The following DLGAP1 variants were observed in gnomAD, a reference collection of about 807,000 sequenced individuals.
DLGAP1 encodes the protein DLG associated protein 1.
DLGAP1 carries 11 observed loss-of-function variants against 90.8 expected under a neutral mutation model. The ratio of observed to expected loss-of-function variants is 0.12; its 90% CI spans 0.08 to 0.20. The LOEUF (loss-of-function observed/expected upper bound fraction) is 0.20. Ranked by LOEUF, DLGAP1 falls within the 10% of genes least tolerant of loss-of-function variation. DLGAP1 has a pLI of 1.00. For synonymous variants in DLGAP1, 558 were observed against 540.7 expected, an observed-to-expected ratio of 1.03 and a Z score of -0.44; for missense variants, 1,050 against 1,333.8, an observed-to-expected ratio of 0.79 and a Z score of 3.31.
intron 1 of DLGAP1, among the ~76,000 whole-genome samples, chr18:4,185,919 C>T (rs1470882255): frequency 6.6e-6 from 1 of 152,088 alleles, no homozygotes; most frequent in Non-Finnish European, 1.5e-5. Flanking sequence ...ATTAGCATTC[C>T]CTTTTCTCTG....
At chr18:4,268,334 A>G (rs11663371) in intron 1 of DLGAP1, among the ~76,000 whole-genome samples, 3,832 of 152,314 alleles carry the variant, frequency 0.025, 100 homozygotes, top group African/African-American at 0.062. Context: ...TTTTTTAATA[A>G]TTTTATTCTA....
intron 3 of DLGAP1, among the ~76,000 whole-genome samples, chr18:3,923,740 A>T (rs544533127): frequency 6.6e-6 from 1 of 152,346 alleles, no homozygotes; most frequent in Non-Finnish European, 1.5e-5. Context: ...AAGTATAACC[A>T]AAGTCCCTTA....
chr18:3,818,665 G>A (rs536466212), intron 4 of DLGAP1, among the ~76,000 whole-genome samples: 15 of 151,274 alleles, frequency 9.9e-5, no homozygotes, highest in East Asian at 3.9e-4. Context: ...GCAGTGGCAC[G>A]ATCTTAGCTC....
At chr18:4,388,819 C>A (rs576190459) in intron 1 of DLGAP1, among the ~76,000 whole-genome samples, 8 of 152,198 alleles carry the variant, frequency 5.3e-5, no homozygotes, top group Middle Eastern at 3.4e-3. Context: ...CACCTCACAC[C>A]CATCAGGTTG....
intron 2 of DLGAP1, among the ~76,000 whole-genome samples, chr18:4,118,358 G>A (rs552528842): frequency 2.1e-4 from 32 of 152,146 alleles, no homozygotes; most frequent in Middle Eastern, 3.4e-3. Flanking sequence ...ATCCTGCTCC[G>A]CCAGCAGGTA....
chr18:4,299,123 C>G (rs2143220590), intron 1 of DLGAP1, among the ~76,000 whole-genome samples: 1 of 148,460 alleles, frequency 6.7e-6, no homozygotes, highest in South Asian at 2.1e-4. Flanking sequence ...GAAGCAAATT[C>G]TTGGGCCCCA....
At chr18:3,602,603 A>C (rs1383198947) in intron 7 of DLGAP1, among the ~76,000 whole-genome samples, 1 of 149,806 alleles carries the variant, frequency 6.7e-6, no homozygotes, top group Non-Finnish European at 1.5e-5. Flanking sequence ...CAAAAAAAAA[A>C]AAAAAAAAAA....
intron 1 of DLGAP1, among the ~76,000 whole-genome samples, chr18:4,200,835 T>C (rs1443643738): frequency 2.0e-5 from 3 of 152,116 alleles, no homozygotes; most frequent in Non-Finnish European, 4.4e-5. Flanking sequence ...ACAATCCTTA[T>C]AGTGATGTTA....
intron 7 of DLGAP1, among the ~76,000 whole-genome samples, chr18:3,709,193 T>C (rs1412524349): frequency 1.3e-5 from 2 of 152,266 alleles, no homozygotes; most frequent in East Asian, 3.9e-4. Flanking sequence ...ACCCAAGTCC[T>C]GGGCCTAAAT....
intron 4 of DLGAP1, among the ~76,000 whole-genome samples, chr18:3,871,105 A>G (rs1266879314): frequency 6.6e-6 from 1 of 152,244 alleles, no homozygotes; most frequent in Non-Finnish European, 1.5e-5. Context: ...TATGTACAAC[A>G]TAATGGGAAG....
At chr18:3,902,281 T>A (rs1360795639) in intron 3 of DLGAP1, among the ~76,000 whole-genome samples, 1 of 152,222 alleles carries the variant, frequency 6.6e-6, no homozygotes. Flanking sequence ...AGGTTAATTT[T>A]ATCCCAAATG....
chr18:3,702,687 CTT>C (rs1056806391), intron 7 of DLGAP1, among the ~76,000 whole-genome samples: 1 of 152,176 alleles, frequency 6.6e-6, no homozygotes, highest in Non-Finnish European at 1.5e-5. Flanking sequence ...AGCTGGAAGA[CTT>C]TAAGTAAATC....
chr18:4,344,888 C>T (rs1044120804), intron 1 of DLGAP1, among the ~76,000 whole-genome samples: 11 of 152,156 alleles, frequency 7.2e-5, no homozygotes, highest in African/African-American at 2.7e-4. Context: ...TTTTCCTACA[C>T]AGGACATAAA....
intron 1 of DLGAP1, among the ~76,000 whole-genome samples, chr18:4,245,765 C>G (rs898980610): frequency 1.3e-5 from 2 of 149,600 alleles, no homozygotes; most frequent in Non-Finnish European, 3.0e-5. Flanking sequence ...TCTAGAGAGG[C>G]TGGGAGCATT....
chr18:3,962,673 C>T (rs2095890351), intron 3 of DLGAP1, among the ~76,000 whole-genome samples: 1 of 152,112 alleles, frequency 6.6e-6, no homozygotes. Flanking sequence ...CTTTCCATCC[C>T]TATGCTTGTT....
rs759887002 is a variant in DLGAP1 at position 3,581,910 on chromosome 18, A to G, written c.1930T>C (p.Phe644Leu). The G allele has an allele frequency of 1.2e-6, 2 of 1,614,138 alleles. No homozygotes were observed. Among genetic ancestry groups the G allele is most frequent in the Non-Finnish European group, 1.7e-6 (2 of 1,180,022 alleles). ...ATAGACAGGCATCGATTTTTCTTAA[A>G]GTGGTCCTTCTTCCTGTCCTCCGTG... The part of the protein sequence containing the change: ...VTTEDRKKDH[F>L]KKNRCLSIGI... The change falls in exon 8 of 13, where the codon TTT becomes CTT. Residue 644 changes from phenylalanine to leucine, a missense_variant. Around this residue, in one of 2 missense-constraint regions of DLGAP1, gnomAD observed 565 missense variants for 879.7 expected, o/e 0.64. Coordinates refer to ENST00000315677, the MANE Select transcript of DLGAP1 (RefSeq NM_004746.4).
chr18:4,236,841 A>T (rs898156915), intron 1 of DLGAP1, among the ~76,000 whole-genome samples: 16 of 152,134 alleles, frequency 1.1e-4, no homozygotes, highest in Non-Finnish European at 2.2e-4. Flanking sequence ...TAGGTCTTCT[A>T]TTCTTATTCC....
chr18:4,279,932 T>C (rs895416933), intron 1 of DLGAP1, among the ~76,000 whole-genome samples: 2 of 152,216 alleles, frequency 1.3e-5, no homozygotes, highest in African/African-American at 4.8e-5. Flanking sequence ...AAAATCTGAT[T>C]TATTCGTTAA....
At chr18:3,854,654 A>G (rs2069526974) in intron 4 of DLGAP1, among the ~76,000 whole-genome samples, 1 of 152,220 alleles carries the variant, frequency 6.6e-6, no homozygotes, top group African/African-American at 2.4e-5. Flanking sequence ...TCATATCTAT[A>G]TAATAATATT....
Sources: allele counts gnomAD v4.1 joint callset (sites outside exome capture counted in the v4.1 genomes callset), GRCh38; gene constraint gnomAD v4.1.1; regional missense constraint gnomAD v4.1.1; transcripts MANE v1.5; gene names NCBI Gene and HGNC (gene_info 2026-07-23, HGNC 2026-07-21).